The following AKR1A1 variants were observed in gnomAD, a reference collection of about 807,000 sequenced individuals.
AKR1A1 encodes the protein aldo-keto reductase family 1 member A1, also known as HEL-S-165mP.
In AKR1A1, 26 loss-of-function variants were observed where a neutral mutation model predicts 39.2. The ratio of observed to expected loss-of-function variants is 0.66; its 90% confidence interval spans 0.49 to 0.92. The LOEUF (loss-of-function observed/expected upper bound fraction) is 0.92, where lower values mean the gene tolerates loss of function less well. Among genes scored for constraint, AKR1A1 ranks in the 40% least tolerant of loss-of-function variants. AKR1A1 has a pLI of 0.00. For missense variants in AKR1A1, 378 were observed against 406.5 expected (o/e 0.93, Z 0.60); for synonymous variants, 141 against 155.5 (o/e 0.91, Z 0.69).
chr1:45,556,601 G>A (rs138083051), intron 1 of AKR1A1, among the ~76,000 whole-genome samples: 143 of 151,804 alleles, frequency 9.4e-4, no homozygotes, highest in Admixed American at 2.1e-3. Context: ...AAGGATAGCC[G>A]GGCGCAGTGG....
rs1380040385 is a variant in AKR1A1, at chr1:45,561,546, G to C, written c.-6-243G>C. Among the ~76,000 whole-genome samples, 2 of 152,110 alleles carry C rather than the reference G, an allele frequency of 1.3e-5. 1 individual carries two copies. The highest frequency in any genetic ancestry group is 2.9e-5 in the Non-Finnish European group (2 of 68,018). On this transcript the variant is annotated intron_variant, in intron 1 of 8. Transcript: ENST00000351829. ...AGCCCCCCGAGCAGCTGGGACTACA[G>C]GTGCGCGCCACCATGCCTAGATAAT...
chr1:45,568,802 G>A (rs41269115), intron 6 of AKR1A1, 118 bp downstream of exon 6: 2 of 1,519,926 alleles, frequency 1.3e-6, no homozygotes, highest in African/African-American at 2.7e-5. Flanking sequence ...GGAGGCCACT[G>A]TAGGCATATT....
In AKR1A1 at chr1:45,569,166, A is replaced by C. The variant is rs756736711; in HGVS notation, c.849A>C (p.Pro283=). 1.2e-6 allele frequency: 2 copies of C among 1,614,166 alleles called. No homozygotes were observed. The highest frequency in any genetic ancestry group is 1.7e-6 in the Non-Finnish European group (2 of 1,180,008). Residue 283 remains proline (P), a synonymous_variant, in exon 8 of 9, where the codon CCA becomes CCC. Coordinates refer to ENST00000351829, the MANE Select transcript of AKR1A1 (RefSeq NM_153326.3). ...AGGTGTTTGACTTCACCTTTAGCCC[A>C]GAAGAGATGAAGCAGCTAAATGCCC... ...NIKVFDFTFS[P]EEMKQLNALN...
chr1:45,556,703 C>A (rs1404938720), intron 1 of AKR1A1, among the ~76,000 whole-genome samples: 1 of 151,506 alleles, frequency 6.6e-6, no homozygotes, highest in Non-Finnish European at 1.5e-5. Flanking sequence ...ACAGTGAAAC[C>A]CCGTCTGTAC....
Position 45,566,590 on chromosome 1 carries a change from GC to G in AKR1A1, c.109del (p.Ser38AlafsTer2), listed in dbSNP as rs1557635723. On this transcript the variant is annotated frameshift_variant, in exon 3 of 9. Transcript: ENST00000351829. LOFTEE classifies it high-confidence loss of function. ...GCAGGTAAAAGCAGCTGTTAAGTAT[GC>G]CCTTAGCGTAGGCTACCGCCACATT... Reference protein sequence around the residue: ...PGQVKAAVKYALSVGYRHIDC... With the variant: ...PGQVKAAVKYXLSVGYRHIDC... The G allele has an allele frequency of 6.2e-7, 1 of 1,614,238 alleles. No homozygotes were observed.
chr1:45,558,506 C>T (rs1644237536), intron 1 of AKR1A1, among the ~76,000 whole-genome samples: 2 of 150,890 alleles, frequency 1.3e-5, no homozygotes, highest in South Asian at 4.2e-4. Context: ...TCAAGCGATT[C>T]CTCCTGTCTC....
intron 2 of AKR1A1, among the ~76,000 whole-genome samples, chr1:45,562,496 C>T (rs1644290818): frequency 6.9e-6 from 1 of 145,054 alleles, no homozygotes; most frequent in African/African-American, 2.6e-5. Flanking sequence ...CACACACTAA[C>T]ACACGGGCCC....
In AKR1A1 at chr1:45,569,229, G is replaced by A. The variant is rs909079593; in HGVS notation, c.912G>A (p.Thr304=). The A allele has an allele frequency of 5.6e-6, 9 of 1,612,686 alleles. No individual in the cohort carries two copies. Among genetic ancestry groups the A allele is most frequent in the East Asian group, 2.2e-5 (1 of 44,886 alleles). Residue 304 remains threonine, a splice_region_variant and synonymous_variant, in exon 8 of 9, where the codon ACG becomes ACA. Transcript: ENST00000351829. ...KNWRYIVPML[T]VDGKRVPRDA... ...GGAGATATATTGTGCCTATGCTTACGGTGAGGATGTATCAGCCTCCTAGAC... is the reference window on the plus strand; with the variant it reads ...GGAGATATATTGTGCCTATGCTTACAGTGAGGATGTATCAGCCTCCTAGAC...
chr1:45,562,856 A>T (rs1369231226), intron 2 of AKR1A1, among the ~76,000 whole-genome samples: 1 of 152,076 alleles, frequency 6.6e-6, no homozygotes, highest in Non-Finnish European at 1.5e-5. Flanking sequence ...GTGGTGGCTC[A>T]TACCTGTAAT....
chr1:45,560,630 A>G (rs1451648078), intron 1 of AKR1A1, among the ~76,000 whole-genome samples: 1 of 151,998 alleles, frequency 6.6e-6, no homozygotes. Context: ...TTCCTTTTTT[A>G]GGACTCCCTT....
intron 1 of AKR1A1, among the ~76,000 whole-genome samples, chr1:45,556,706 GTCTGTAC>G (rs1644209691): frequency 6.6e-6 from 1 of 151,462 alleles, no homozygotes; most frequent in Middle Eastern, 3.2e-3. Flanking sequence ...GTGAAACCCC[GTCTGTAC>G]TAAAAATACA....
chr1:45,552,746 G>A (rs377035030), intron 1 of AKR1A1, among the ~76,000 whole-genome samples: 1 of 152,196 alleles, frequency 6.6e-6, no homozygotes, highest in East Asian at 1.9e-4. Flanking sequence ...GGAAGGGTTT[G>A]AGACTGGGAG....
chr1:45,561,892 G>A lies in AKR1A1; in HGVS notation c.84+14G>A, dbSNP rs1306760304. 1.2e-6 allele frequency: 2 copies of A among 1,612,718 alleles called. No individual in the cohort carries two copies. Among genetic ancestry groups the A allele is most frequent in the African/African-American group, 1.3e-5 (1 of 74,840 alleles). On this transcript the variant is annotated intron_variant, in intron 2 of 8. Transcript: ENST00000351829. ...GAGCCTGGTCAGGTGAGGGATGGGGGAAGAAAAAAGAAACTTGTTGAGCCT... is the reference window on the plus strand; with the variant it reads ...GAGCCTGGTCAGGTGAGGGATGGGGAAAGAAAAAAGAAACTTGTTGAGCCT...
intron 2 of AKR1A1, among the ~76,000 whole-genome samples, chr1:45,563,822 A>T (rs982076977): frequency 1.3e-5 from 2 of 152,200 alleles, no homozygotes; most frequent in African/African-American, 4.8e-5. Context: ...ATAAGTAACC[A>T]CTTAAAAATA....
At position 45,568,713 on chromosome 1, in the gene AKR1A1, T is replaced by A. The variant is rs771564722; in HGVS notation, c.752+29T>A. ...TGGGGCAGTCTTAGGGAGAGGGCCC[T>A]GGGTTGGGAGGCAAGGGTTAAGGGA... is the stretch of plus-strand genomic sequence containing the variant. On this transcript the variant is annotated intron_variant, in intron 6 of 8. Coordinates refer to ENST00000351829, the MANE Select transcript of AKR1A1 (RefSeq NM_153326.3). 6.8e-5 allele frequency: 109 copies of A among 1,611,456 alleles called. 1 individual carries two copies. In the South Asian group the frequency reaches 1.2e-3, roughly 18 times the overall value.
chr1:45,553,986 C>A (rs1322164977), intron 1 of AKR1A1, among the ~76,000 whole-genome samples: 1 of 146,344 alleles, frequency 6.8e-6, no homozygotes, highest in Non-Finnish European at 1.5e-5. Flanking sequence ...CAGAGCGAGA[C>A]TCCGTCTCAA....
chr1:45,566,946 C>T lies in AKR1A1; in HGVS notation c.282C>T (p.Ala94=), dbSNP rs1644352293. 8.1e-6 allele frequency: 13 copies of T among 1,614,006 alleles called. No individual in the cohort carries two copies. Among genetic ancestry groups the T allele is most frequent in the East Asian group, 6.7e-5 (3 of 44,850 alleles). The change falls in exon 4 of 9, where the codon GCC becomes GCT. Residue 94 remains alanine, a synonymous_variant. Coordinates refer to ENST00000351829, the MANE Select transcript of AKR1A1 (RefSeq NM_153326.3). ...TKHHPEDVEP[A]LRKTLADLQL... ...ACCACCCCGAGGATGTGGAGCCTGC[C>T]CTCCGGAAGACTCTGGCTGACCTCC...
chr1:45,555,098 A>G (rs952145126), intron 1 of AKR1A1, among the ~76,000 whole-genome samples: 9 of 152,182 alleles, frequency 5.9e-5, no homozygotes, highest in African/African-American at 2.2e-4. Context: ...ATAGAGTACA[A>G]AGTCAACACT....
chr1:45,568,244 G>A, intron 5 of AKR1A1, 67 bp downstream of exon 5: 1 of 1,500,514 alleles, frequency 6.7e-7, no homozygotes, highest in Non-Finnish European at 9.0e-7. Flanking sequence ...AGCAGACGAT[G>A]GATCTGCTTA....
Sources: allele counts gnomAD v4.1 joint callset (sites outside exome capture counted in the v4.1 genomes callset), GRCh38; gene constraint gnomAD v4.1.1; transcripts MANE v1.5; gene names NCBI Gene and HGNC (gene_info 2026-07-23, HGNC 2026-07-21).